EGFR: variants seen among roughly 807,000 people sequenced by gnomAD.
EGFR encodes the protein avian erythroblastic leukemia viral (v-erb-b) oncogene homolog.
Under a neutral mutation model 143.0 loss-of-function variants are expected in EGFR, and 58 were observed. The ratio of observed to expected loss-of-function variants is 0.41; its 90% CI spans 0.33 to 0.50. The LOEUF (loss-of-function observed/expected upper bound fraction) is 0.50, where lower values mean the gene tolerates loss of function less well. Among genes scored for constraint, EGFR ranks in the 20% least tolerant of loss-of-function variants. The probability of loss-of-function intolerance (pLI) is 0.39; values close to 1 mark genes in which losing one functional copy is unlikely to be tolerated. For missense variants in EGFR, 1,307 were observed against 1,579.0 expected, an observed-to-expected ratio of 0.83 and a Z score of 2.92; for synonymous variants, 613 against 594.4, an observed-to-expected ratio of 1.03 and a Z score of -0.45.
At chr7:55,156,463 G>C in intron 8 of EGFR, 70 bp from the exon 9 acceptor site, 1 of 1,605,488 alleles carries the variant, frequency 6.2e-7, no homozygotes, top group South Asian at 1.1e-5. Flanking sequence ...GCTTCCCTCT[G>C]CCTGTGGATC....
chr7:55,069,538 G>A (rs1186877863), intron 1 of EGFR, among the ~76,000 whole-genome samples: 5 of 152,126 alleles, frequency 3.3e-5, no homozygotes, highest in Non-Finnish European at 5.9e-5. Context: ...CTCAGTCCTG[G>A]GAGCCACAGA....
intron 2 of EGFR, 87 bp from the exon 3 acceptor site, chr7:55,143,218 G>T (rs17289582): frequency 6.9e-7 from 1 of 1,448,020 alleles, no homozygotes; most frequent in Admixed American, 1.7e-5. Context: ...TCAACTGGGC[G>T]TCCTAGGGCT....
At chr7:55,196,696 G>C (rs540924017) in intron 22 of EGFR, among the ~76,000 whole-genome samples, 1 of 151,548 alleles carries the variant, frequency 6.6e-6, no homozygotes, top group South Asian at 2.1e-4. Flanking sequence ...TTATTTTTGT[G>C]TATGGTGTAA....
chr7:55,121,504 G>C (rs865960535), intron 1 of EGFR, among the ~76,000 whole-genome samples: 1 of 152,296 alleles, frequency 6.6e-6, no homozygotes, highest in Non-Finnish European at 1.5e-5. Context: ...TGCCCTTCGA[G>C]AGCTGTCATT....
chr7:55,201,112 ACCC>A, intron 24 of EGFR, 73 bp from the exon 25 acceptor site: 1 of 1,586,384 alleles, frequency 6.3e-7, no homozygotes. Flanking sequence ...CTGGCAATAG[ACCC>A]CTGCTCCTAT....
At chr7:55,024,429 G>C (rs1308990760) in intron 1 of EGFR, among the ~76,000 whole-genome samples, 1 of 152,196 alleles carries the variant, frequency 6.6e-6, no homozygotes, top group African/African-American at 2.4e-5. Flanking sequence ...GGTTTTCAAG[G>C]AGAGACTCGG....
At chr7:55,068,180 G>C (rs554428644) in intron 1 of EGFR, among the ~76,000 whole-genome samples, 1 of 152,240 alleles carries the variant, frequency 6.6e-6, no homozygotes, top group East Asian at 1.9e-4. Flanking sequence ...AAGAACAGTT[G>C]TTTTGGTTTG....
chr7:55,165,514 C>A lies in EGFR; in HGVS notation c.1880+77C>A, dbSNP rs41421952. On this transcript the variant is annotated intron_variant, in intron 15 of 27. Coordinates refer to ENST00000275493, the MANE Select transcript of EGFR (RefSeq NM_005228.5). ...GATCAAAAATGTCTCCCAAGTTTTCCGGCAACAAATTGCCGAGGTTTGTAT... is the reference window on the plus strand; with the variant it reads ...GATCAAAAATGTCTCCCAAGTTTTCAGGCAACAAATTGCCGAGGTTTGTAT... The A allele has an allele frequency of 1.6e-3, 2,473 of 1,539,596 alleles. 44 individuals are homozygous for A. In the African/African-American group the frequency reaches 0.029, roughly 18 times the overall value.
In EGFR at chr7:55,026,848, G is replaced by T. The variant is rs761601374; in HGVS notation, c.88+7483G>T. 4.0e-4 allele frequency among the ~76,000 whole-genome samples: 58 copies of T among 144,104 alleles called. 1 individual carries two copies. Among genetic ancestry groups the T allele is most frequent in the Non-Finnish European group, 6.1e-5 (4 of 65,714 alleles). 94.5% of individuals were successfully genotyped at this position (144,104 alleles called of 152,430 possible). A position where few individuals can be genotyped will look rare whatever the true frequency, so the allele number is the denominator to read the frequency against. On this transcript the variant is annotated intron_variant, in intron 1 of 27. Coordinates refer to ENST00000275493, the MANE Select transcript of EGFR (RefSeq NM_005228.5). ...GAGTGCCTCCCAGGTTTTAACTAAA[G>T]AAAACCTCTCTTTAACTGCCAAAAA...
At position 55,154,023 on chromosome 7, in the gene EGFR, T is replaced by G. The variant is rs2128934853; in HGVS notation, c.760T>G (p.Phe254Val). 23 of 1,614,142 alleles carry G rather than the reference T, an allele frequency of 1.4e-5. No homozygotes were observed. The highest frequency in any genetic ancestry group is 1.9e-5 in the Non-Finnish European group (22 of 1,180,030). The part of the protein sequence containing the change: ...RESDCLVCRK[F>V]RDEATCKDTC... ...CTCTCCTCCATAGGTCTGCCGCAAATTCCGAGACGAAGCCACGTGCAAGGA... is the reference window on the plus strand; with the variant it reads ...CTCTCCTCCATAGGTCTGCCGCAAAGTCCGAGACGAAGCCACGTGCAAGGA... The change falls in exon 7 of 28, where the codon TTC (phenylalanine) becomes GTC (valine). Residue 254 changes from phenylalanine (F) to valine (V), a missense_variant. Transcript: ENST00000275493.
At chr7:55,182,028 G>A (rs534195828) in intron 20 of EGFR, 7 of 186,690 alleles carry the variant, frequency 3.7e-5, no homozygotes, top group Admixed American at 1.6e-4. Context: ...GCGGGGCTGA[G>A]AGAGCAGAGT....
intron 20 of EGFR, chr7:55,182,485 A>T (rs944826484): frequency 1.3e-5 from 2 of 152,232 alleles, no homozygotes; most frequent in African/African-American, 4.8e-5. Flanking sequence ...GACCTACAAG[A>T]AGACAAACAA....
At chr7:55,119,904 G>A (rs1289859970) in intron 1 of EGFR, among the ~76,000 whole-genome samples, 1 of 152,212 alleles carries the variant, frequency 6.6e-6, no homozygotes, top group Non-Finnish European at 1.5e-5. Flanking sequence ...CAGTTGGCCA[G>A]GTCCTCCAAA....
chr7:55,073,755 C>A lies in EGFR; in HGVS notation c.88+54390C>A, dbSNP rs115631808. Among the ~76,000 whole-genome samples, 1,170 of 152,286 alleles carry A rather than the reference C, an allele frequency of 7.7e-3. 20 individuals carry two copies. Among genetic ancestry groups the A allele is most frequent in the African/African-American group, 0.026 (1,097 of 41,540 alleles). On this transcript the variant is annotated intron_variant, in intron 1 of 27. Coordinates refer to ENST00000275493, the MANE Select transcript of EGFR (RefSeq NM_005228.5). ...TTGCACCCTGTTAATTACATAGAGA[C>A]ATTCACAGCTCTTCTGACCTTATCA...
chr7:55,210,282 A>G lies in EGFR; in HGVS notation c.*4665A>G, dbSNP rs1788207725. The G allele has an allele frequency of 6.6e-6, 1 of 152,216 alleles. No homozygotes were observed. Among genetic ancestry groups the G allele is most frequent in the Admixed American group, 6.5e-5 (1 of 15,278 alleles). 9.4% of individuals were successfully genotyped at this position (152,216 alleles called of 1,614,324 possible). On this transcript the variant is annotated 3_prime_UTR_variant, in exon 28 of 28. Coordinates refer to ENST00000275493, the MANE Select transcript of EGFR (RefSeq NM_005228.5). ...ATATGCATTTACCAGTATAAACTAGACATGTCTGGAGAGCCTAATAATGTT... is the reference window on the plus strand; with the variant it reads ...ATATGCATTTACCAGTATAAACTAGGCATGTCTGGAGAGCCTAATAATGTT...
At chr7:55,048,421 G>A (rs1788301193) in intron 1 of EGFR, among the ~76,000 whole-genome samples, 1 of 152,168 alleles carries the variant, frequency 6.6e-6, no homozygotes, top group Admixed American at 6.5e-5. Context: ...GGGTGACTTT[G>A]GACATCACTG....
chr7:55,031,753 GA>G (rs1787261146), intron 1 of EGFR, among the ~76,000 whole-genome samples: 1 of 152,244 alleles, frequency 6.6e-6, no homozygotes, highest in South Asian at 2.1e-4. Flanking sequence ...AAATTCTGCT[GA>G]TGGAGCCGAT....
At chr7:55,152,312 G>A (rs1785196961) in intron 5 of EGFR, 1 of 719,820 alleles carries the variant, frequency 1.4e-6, no homozygotes, top group South Asian at 1.4e-5. Context: ...TTATTTAGCA[G>A]GTCTCAAAGT....
intron 1 of EGFR, among the ~76,000 whole-genome samples, chr7:55,038,349 C>T (rs1308995082): frequency 6.6e-6 from 1 of 152,164 alleles, no homozygotes; most frequent in Non-Finnish European, 1.5e-5. Context: ...CTCACCCTGC[C>T]TGGAGCACGT....
Sources: allele counts gnomAD v4.1 joint callset (sites outside exome capture counted in the v4.1 genomes callset), GRCh38; gene constraint gnomAD v4.1.1; transcripts MANE v1.5; gene names NCBI Gene and HGNC (gene_info 2026-07-23, HGNC 2026-07-21).